The following GTPBP1 variants were observed in gnomAD, a reference collection of about 807,000 sequenced individuals.
GTPBP1 encodes GTP binding protein 1, also known as GTP-binding protein 1.
In GTPBP1, 23 loss-of-function variants were observed where a neutral mutation model predicts 62.0. That is an observed-to-expected ratio of 0.37 (90% CI 0.27 to 0.53). GTPBP1 has a LOEUF of 0.53. Ranked by LOEUF, GTPBP1 falls within the 20% of genes least tolerant of loss-of-function variation. The pLI is 0.89. For synonymous variants in GTPBP1, 344 were observed against 364.4 expected (o/e 0.94, Z 0.64); for missense variants, 640 against 917.3 (o/e 0.70, Z 3.90).
In GTPBP1 at chr22:38,716,301, A is replaced by G. The variant is rs1466267925; in HGVS notation, c.485+214A>G. 3 of 590,972 alleles carry G rather than the reference A, an allele frequency of 5.1e-6. No individual in the cohort carries two copies. The highest frequency in any genetic ancestry group is 3.7e-5 in the African/African-American group (2 of 53,514). 36.6% of individuals were successfully genotyped at this position (590,972 alleles called of 1,614,324 possible). The stretch of plus-strand genomic sequence containing the variant: ...GAGGCCAGCCGTGCATTCTGTGGCC[A>G]TTCTCTGTGGGTGTGTTTCTTTTCC... On this transcript the variant is annotated intron_variant, in intron 3 of 11. Transcript: ENST00000216044. The surrounding 1 kb of genome is among the most constrained non-coding windows in gnomAD (Gnocchi z 5.2).
rs2179144 is a variant in GTPBP1 at position 38,711,195 on chromosome 22, A to T, written c.304+2239A>T. ...TTCTCTGTAAAATGGGAATAATGAT[A>T]CCTTCCTCATCCTACCTCAGAGAAA... On this transcript the variant is annotated intron_variant, in intron 2 of 11. Coordinates refer to ENST00000216044, the MANE Select transcript of GTPBP1 (RefSeq NM_004286.5). 9.6e-3 allele frequency among the ~76,000 whole-genome samples: 1,455 copies of T among 152,344 alleles called. 28 individuals are homozygous for T. Among genetic ancestry groups the T allele is most frequent in the African/African-American group, 0.034 (1,416 of 41,574 alleles).
chr22:38,713,247 G>A (rs1375987202), intron 2 of GTPBP1, among the ~76,000 whole-genome samples: 1 of 152,202 alleles, frequency 6.6e-6, no homozygotes, highest in East Asian at 1.9e-4. Context: ...CCATGACAGA[G>A]CTTACAAGAA....
chr22:38,730,612 C>A lies in GTPBP1; in HGVS notation c.1918C>A (p.Pro640Thr), dbSNP rs368670734. 15 of 1,599,622 alleles carry A rather than the reference C, an allele frequency of 9.4e-6. No homozygotes were observed. The highest frequency in any genetic ancestry group is 1.1e-5 in the Non-Finnish European group (13 of 1,173,486). Residue 640 changes from proline to threonine, a missense_variant and splice_region_variant, in exon 12 of 12, where the codon CCT (proline) becomes ACT (threonine). By Grantham distance (38) the Pro-to-Thr change is conservative. Around this residue, in one of 4 missense-constraint regions of GTPBP1, gnomAD observed 117 missense variants for 107.1 expected, o/e 1.09. Coordinates refer to ENST00000216044, the MANE Select transcript of GTPBP1 (RefSeq NM_004286.5). This position sits in a 1 kb window ranked among gnomAD's most constrained non-coding sequence, Gnocchi z 5.6. ...CTCAAGCTCCTTCTCTCTCTTTCAG[C>A]CTAAGCCCAGCAGTGGAGGCCGGCG... ...PAASSNLQPQ[P>T]KPSSGGRRRG...
intron 5 of GTPBP1, among the ~76,000 whole-genome samples, chr22:38,722,230 C>G (rs1355001453): frequency 6.6e-6 from 1 of 152,196 alleles, no homozygotes; most frequent in Non-Finnish European, 1.5e-5. Flanking sequence ...TTAAGTCACT[C>G]TGCCACTTTT....
chr22:38,713,988 A>G (rs1397550566), intron 2 of GTPBP1, among the ~76,000 whole-genome samples: 1 of 152,178 alleles, frequency 6.6e-6, no homozygotes, highest in Non-Finnish European at 1.5e-5. Flanking sequence ...GAAACAGAAC[A>G]GGGCCACTGA....
intron 2 of GTPBP1, among the ~76,000 whole-genome samples, chr22:38,715,279 C>T (rs2092663189): frequency 6.6e-6 from 1 of 152,130 alleles, no homozygotes; most frequent in Non-Finnish European, 1.5e-5. Flanking sequence ...TCGCTGCTGT[C>T]CGTCTGTTGT....
downstream of GTPBP1, chr22:38,734,646 G>A (rs1467815787): frequency 2.0e-5 from 4 of 199,144 alleles, no homozygotes; most frequent in African/African-American, 4.8e-5. Context: ...GGGGACATTC[G>A]TTTGGCCAAG....
At chr22:38,721,320 C>T (rs928825119) in intron 4 of GTPBP1, among the ~76,000 whole-genome samples, 2 of 152,218 alleles carry the variant, frequency 1.3e-5, no homozygotes, top group Non-Finnish European at 2.9e-5. Flanking sequence ...TCAGGTGATC[C>T]GCCTGCCTTG....
chr22:38,724,998 C>A (rs1042763335), intron 6 of GTPBP1, among the ~76,000 whole-genome samples: 3 of 152,156 alleles, frequency 2.0e-5, no homozygotes, highest in African/African-American at 7.2e-5. Flanking sequence ...GTGTTCAGCT[C>A]CTTGGTGAGA....
intron 1 of GTPBP1, among the ~76,000 whole-genome samples, chr22:38,707,152 G>C (rs1477337626): frequency 2.0e-5 from 3 of 152,184 alleles, no homozygotes; most frequent in Non-Finnish European, 4.4e-5. Flanking sequence ...GCATACTAGA[G>C]ACTCAGTAAA....
At chr22:38,736,626 CG>C (rs1569292876), downstream of GTPBP1, 3 of 354,790 alleles carry the variant, frequency 8.5e-6, no homozygotes, top group African/African-American at 4.2e-5. Context: ...CATCCACAAT[CG>C]TTTTTTTATT....
intron 4 of GTPBP1, 32 bp from the exon 5 acceptor site, chr22:38,721,710 C>T (rs754618648): frequency 5.6e-6 from 9 of 1,598,842 alleles, no homozygotes; most frequent in East Asian, 4.5e-5. Context: ...CTTTCTCTCT[C>T]GTCCTGACAC....
At chr22:38,742,719 C>A (rs927375096), downstream of GTPBP1, 5 of 872,444 alleles carry the variant, frequency 5.7e-6, no homozygotes, top group African/African-American at 1.7e-5. Context: ...CAGGGGCTGC[C>A]GACCTCTGAG....
At chr22:38,715,060 C>G (rs1389422960) in intron 2 of GTPBP1, among the ~76,000 whole-genome samples, 3 of 152,118 alleles carry the variant, frequency 2.0e-5, no homozygotes, top group African/African-American at 7.2e-5. Flanking sequence ...GAGTTCCTCC[C>G]CCATTTTCCT....
intron 2 of GTPBP1, among the ~76,000 whole-genome samples, chr22:38,713,028 TC>T (rs769295803): frequency 6.6e-6 from 1 of 152,160 alleles, no homozygotes; most frequent in African/African-American, 2.4e-5. Flanking sequence ...AGGATGTGTA[TC>T]CAAAACACTG....
intron 2 of GTPBP1, among the ~76,000 whole-genome samples, chr22:38,709,606 G>A (rs2092626686): frequency 6.6e-6 from 1 of 152,212 alleles, no homozygotes; most frequent in South Asian, 2.1e-4. Flanking sequence ...TTCCTGGGCA[G>A]CTGGAGGTCT....
downstream of GTPBP1, chr22:38,736,418 C>T: frequency 1.3e-6 from 2 of 1,541,016 alleles, no homozygotes; most frequent in Non-Finnish European, 1.8e-6. Context: ...CATCAGAGAC[C>T]TGTGAGGCCT....
intron 6 of GTPBP1, chr22:38,725,073 C>T (rs570339004): frequency 2.0e-5 from 3 of 152,474 alleles, no homozygotes; most frequent in Admixed American, 6.5e-5. Flanking sequence ...TGGTCTATAG[C>T]GCCAGGCCCA....
intron 5 of GTPBP1, among the ~76,000 whole-genome samples, chr22:38,722,116 T>C (rs142341702): frequency 3.3e-4 from 50 of 152,336 alleles, no homozygotes; most frequent in African/African-American, 1.0e-3. Flanking sequence ...GTTACACTGG[T>C]CAGTATCTAG....
Sources: allele counts gnomAD v4.1 joint callset (sites outside exome capture counted in the v4.1 genomes callset), GRCh38; gene constraint gnomAD v4.1.1; regional missense constraint gnomAD v4.1.1; non-coding constraint Gnocchi (gnomAD v3.1); transcripts MANE v1.5; gene names NCBI Gene and HGNC (gene_info 2026-07-23, HGNC 2026-07-21).